Variants in PRRC2B observed in about 807,000 individuals in gnomAD.
The protein encoded by PRRC2B is protein PRRC2B.
A neutral mutation model predicts 242.3 loss-of-function variants in PRRC2B; 68 were observed. The ratio of observed to expected loss-of-function variants is 0.28; its 90% CI spans 0.23 to 0.34. The LOEUF is 0.34. Among genes scored for constraint, PRRC2B ranks in the 10% least tolerant of loss-of-function variants. PRRC2B has a pLI of 1.00. For missense variants in PRRC2B, 2,835 were observed against 2,954.8 expected (o/e 0.96, Z 0.94); for synonymous variants, 1,228 against 1,173.6 (o/e 1.05, Z -0.95).
chr9:131,481,642 G>C (rs1451638672), intron 19 of PRRC2B, 84 bp from the exon 20 acceptor site: 9 of 1,106,824 alleles, frequency 8.1e-6, no homozygotes, highest in Non-Finnish European at 1.2e-5. Flanking sequence ...TGCAAGCTGT[G>C]CCTGTGCTTG....
intron 11 of PRRC2B, 60 bp downstream of exon 11, chr9:131,459,416 T>G: frequency 7.2e-7 from 1 of 1,396,702 alleles, no homozygotes; most frequent in Non-Finnish European, 9.9e-7. Context: ...GTGGCTGGGT[T>G]TCTGAGAAGT....
intron 17 of PRRC2B, 81 bp downstream of exon 17, chr9:131,478,030 C>G (rs1943753892): frequency 2.3e-6 from 3 of 1,294,304 alleles, no homozygotes; most frequent in Non-Finnish European, 3.3e-6. Context: ...CCGAGTTTGC[C>G]CTTGCACTGA....
chr9:131,420,495 T>TCG lies in PRRC2B; in HGVS notation c.-51-9599_-51-9598insCG, dbSNP rs1554758641. On this transcript the variant is annotated intron_variant, in intron 1 of 31. Coordinates refer to ENST00000683519, the MANE Select transcript of PRRC2B (RefSeq NM_013318.4). ...TTTCTTTCTTTCTTTCTTTCTTTCT[T>TCG]TTTTTTTTTTTTTTTGAGATGGAGG... is the stretch of plus-strand genomic sequence containing the variant. Among the ~76,000 whole-genome samples, 752 of 79,896 alleles carry TCG rather than the reference T, an allele frequency of 9.4e-3. 74 individuals carry two copies. The highest frequency in any genetic ancestry group is 0.035 in the African/African-American group (675 of 19,330). 52.4% of individuals were successfully genotyped at this position (79,896 alleles called of 152,430 possible).
intron 10 of PRRC2B, 71 bp from the exon 11 acceptor site, chr9:131,459,093 C>A: frequency 7.2e-7 from 1 of 1,382,636 alleles, no homozygotes; most frequent in Non-Finnish European, 1.0e-6. Context: ...ATTCTCAAGG[C>A]CTCTGACCAG....
intron 11 of PRRC2B, among the ~76,000 whole-genome samples, chr9:131,461,741 A>G (rs1943248093): frequency 6.6e-6 from 1 of 152,100 alleles, no homozygotes; most frequent in Non-Finnish European, 1.5e-5. Flanking sequence ...GGGTTTTGCC[A>G]TGTTGGCCAG....
chr9:131,439,021 A>T lies in PRRC2B; in HGVS notation c.429A>T (p.Ser143=). 6.2e-7 allele frequency: 1 copy of T among 1,613,752 alleles called. No homozygotes were observed. The highest frequency in any genetic ancestry group is 8.5e-7 in the Non-Finnish European group (1 of 1,179,758). The change falls in exon 5 of 32, where the codon TCA becomes TCT. Residue 143 remains serine (S), a synonymous_variant. Transcript: ENST00000683519. ...NTNSVPGGPK[S]WAQLNGKPVG... is the part of the protein sequence containing the mutation. ...ATTCAGTGCCAGGTGGACCAAAGTC[A>T]TGGGCACAGCTGAATGGAAAGCCAG...
At chr9:131,389,915 G>GTTTTTTTTTTT (rs1291046977), upstream of PRRC2B, among the ~76,000 whole-genome samples, 1 of 93,444 alleles carries the variant, frequency 1.1e-5, no homozygotes, top group African/African-American at 3.7e-5. Context: ...GAACATGGTT[G>GTTTTTTTTTTT]TTTTTTTTTT....
At chr9:131,383,947 C>A (rs943454609) in intron 1 of PRRC2B, among the ~76,000 whole-genome samples, 72 of 151,870 alleles carry the variant, frequency 4.7e-4, no homozygotes, top group African/African-American at 1.6e-3. Context: ...TTGCGACAGG[C>A]TTGCTCTGTC....
intron 7 of PRRC2B, 49 bp from the exon 8 acceptor site, chr9:131,447,036 C>T (rs1177438643): frequency 6.2e-7 from 1 of 1,609,302 alleles, no homozygotes; most frequent in Non-Finnish European, 8.5e-7. Flanking sequence ...GTGGAAATTG[C>T]AGTTTCAGCC....
chr9:131,417,066 G>A (rs1837679324), intron 1 of PRRC2B, among the ~76,000 whole-genome samples: 2 of 152,136 alleles, frequency 1.3e-5, no homozygotes, highest in South Asian at 2.1e-4. Flanking sequence ...CAGCTGATTG[G>A]AAACTGCATG....
At chr9:131,383,587 G>T (rs1836789152) in intron 1 of PRRC2B, among the ~76,000 whole-genome samples, 1 of 145,508 alleles carries the variant, frequency 6.9e-6, no homozygotes, top group Admixed American at 7.4e-5. Context: ...TGTTTGTTTT[G>T]GTTTTGGTTT....
intron 1 of PRRC2B, among the ~76,000 whole-genome samples, chr9:131,412,511 C>A (rs1271648020): frequency 6.6e-6 from 1 of 152,142 alleles, no homozygotes; most frequent in Non-Finnish European, 1.5e-5. Flanking sequence ...TGGGTATATA[C>A]CTAGGTTTGG....
intron 6 of PRRC2B, among the ~76,000 whole-genome samples, 152 bp downstream of exon 6, chr9:131,444,480 T>C (rs73553620): frequency 7.9e-4 from 120 of 152,310 alleles, no homozygotes; most frequent in African/African-American, 2.7e-3. Context: ...TGTGCATCCA[T>C]TGGACTTGCT....
At chr9:131,425,967 C>A (rs1332213261) in intron 1 of PRRC2B, among the ~76,000 whole-genome samples, 1 of 151,394 alleles carries the variant, frequency 6.6e-6, no homozygotes, top group African/African-American at 2.4e-5. Context: ...CGAGATCATG[C>A]CACTGCACTC....
At chr9:131,500,193 ATAAAGC>A (rs2129790063), downstream of PRRC2B, 2 of 152,236 alleles carry the variant, frequency 1.3e-5, no homozygotes, top group Non-Finnish European at 2.9e-5. Flanking sequence ...GTTTAAAAAG[ATAAAGC>A]TGAACGTGCT....
chr9:131,427,926 T>C (rs1838017777), intron 1 of PRRC2B, among the ~76,000 whole-genome samples: 2 of 152,106 alleles, frequency 1.3e-5, no homozygotes, highest in African/African-American at 2.4e-5. Context: ...TTTGTTGTTT[T>C]TGTTCTTGTT....
chr9:131,397,593 C>T (rs1837103184), intron 1 of PRRC2B, among the ~76,000 whole-genome samples: 1 of 97,078 alleles, frequency 1.0e-5, no homozygotes, highest in Admixed American at 1.3e-4. Flanking sequence ...TTGCCTTGCA[C>T]AAAGTACTGA....
Position 131,499,538 on chromosome 9 carries a change from T to C in PRRC2B, c.*3664T>C, listed in dbSNP as rs1305586184. Reference sequence around the variant, plus strand: ...GCTCTCTTCTGAAATGTGACGGACCTAAGCAGGAAGTCATCCAGGACAGGA... The same window carrying C: ...GCTCTCTTCTGAAATGTGACGGACCCAAGCAGGAAGTCATCCAGGACAGGA... On this transcript the variant is annotated 3_prime_UTR_variant, in exon 32 of 32. Coordinates refer to ENST00000683519, the MANE Select transcript of PRRC2B (RefSeq NM_013318.4). 6.6e-6 allele frequency: 1 copy of C among 152,272 alleles called. No individual in the cohort carries two copies. Among genetic ancestry groups the C allele is most frequent in the Non-Finnish European group, 1.5e-5 (1 of 68,062 alleles). The allele number at this position is 152,272 out of a possible 1,614,324, so 9.4% of individuals were successfully genotyped here.
chr9:131,430,087 A>G lies in PRRC2B; in HGVS notation c.-51-7A>G. On this transcript the variant is annotated splice_region_variant and splice_polypyrimidine_tract_variant and intron_variant, in intron 1 of 31. Transcript: ENST00000683519. Reference sequence around the variant, plus strand: ...TTTTTTTTTTTTCTTCTCTATTTCAAAGGCAGATCGGGAGCGGTGCCGAGA... The same window carrying G: ...TTTTTTTTTTTTCTTCTCTATTTCAGAGGCAGATCGGGAGCGGTGCCGAGA... 2 of 843,644 alleles carry G rather than the reference A, an allele frequency of 2.4e-6. No homozygotes were observed. Among genetic ancestry groups the G allele is most frequent in the Non-Finnish European group, 1.9e-6 (1 of 530,676 alleles). The allele number at this position is 843,644 out of a possible 1,614,324, so 52.3% of individuals were successfully genotyped here. A position where few individuals can be genotyped will look rare whatever the true frequency, so the allele number is the denominator to read the frequency against.
Sources: gnomAD v4.1 joint callset for allele counts (sites outside exome capture counted in the v4.1 genomes callset) on GRCh38, gnomAD v4.1.1 for gene constraint, MANE v1.5 for transcripts, NCBI Gene and HGNC (gene_info 2026-07-23, HGNC 2026-07-21) for gene names.